The following MAGI2 variants were observed in gnomAD, a reference collection of about 807,000 sequenced individuals.
MAGI2 encodes membrane associated guanylate kinase, WW and PDZ domain containing 2.
MAGI2 carries 35 observed loss-of-function variants against 133.3 expected under a neutral mutation model. The ratio of observed to expected loss-of-function variants is 0.26; its 90% CI spans 0.20 to 0.35. The LOEUF (loss-of-function observed/expected upper bound fraction) is 0.35, where lower values mean the gene tolerates loss of function less well. Among genes scored for constraint, MAGI2 ranks in the 10% least tolerant of loss-of-function variants. MAGI2 has a pLI of 1.00. For synonymous variants in MAGI2, 729 were observed against 710.6 expected (o/e 1.03, Z -0.41); for missense variants, 1,636 against 1,863.4 (o/e 0.88, Z 2.25).
chr7:78,153,699 C>T (rs1824111890), intron 16 of MAGI2, among the ~76,000 whole-genome samples: 1 of 152,110 alleles, frequency 6.6e-6, no homozygotes, highest in African/African-American at 2.4e-5. Flanking sequence ...TGATCTAGGC[C>T]TCAAACTTAC....
intron 21 of MAGI2, among the ~76,000 whole-genome samples, chr7:78,063,355 C>T (rs548480221): frequency 2.6e-5 from 4 of 152,300 alleles, no homozygotes; most frequent in South Asian, 4.1e-4. Flanking sequence ...AATCCTCTTG[C>T]CTCAGTTTCC....
chr7:78,176,722 CCTGTAGTCCCAGCTA>C (rs932738036), intron 14 of MAGI2, among the ~76,000 whole-genome samples: 1 of 151,960 alleles, frequency 6.6e-6, no homozygotes, highest in African/African-American at 2.4e-5. Flanking sequence ...GTGGCACATG[CCTGTAGTCCCAGCTA>C]CTCAGGAGAC....
In MAGI2 at chr7:78,018,991, GC is replaced by G; in HGVS notation, c.*323del. On this transcript the variant is annotated 3_prime_UTR_variant, in exon 22 of 22. Transcript: ENST00000354212. ...TTTGGATGACATCCAAGTCCTTCAT[GC>G]AGTGGGGAGGAATATTTTTTTTTCT... The G allele has an allele frequency of 1.0e-5, 4 of 400,424 alleles. No homozygotes were observed. The East Asian group carries it at 1.4e-4, about 14-fold the overall frequency. 24.8% of individuals were successfully genotyped at this position (400,424 alleles called of 1,614,324 possible).
At chr7:78,581,468 TG>T (rs1354555019) in intron 3 of MAGI2, among the ~76,000 whole-genome samples, 2 of 152,222 alleles carry the variant, frequency 1.3e-5, no homozygotes, top group Non-Finnish European at 2.9e-5. Flanking sequence ...GTTAGAACTT[TG>T]ACTGTAAATC....
intron 2 of MAGI2, among the ~76,000 whole-genome samples, chr7:78,948,329 C>T (rs922596930): frequency 6.6e-6 from 1 of 151,012 alleles, no homozygotes; most frequent in African/African-American, 2.4e-5. Context: ...TCAAAGAAAA[C>T]AAACACAATT....
In MAGI2 at chr7:78,546,692, C is replaced by G. The variant is rs1312121294; in HGVS notation, c.539-25047G>C. Among the ~76,000 whole-genome samples, 4 of 152,112 alleles carry G rather than the reference C, an allele frequency of 2.6e-5. No homozygotes were observed. The South Asian group carries it at 8.3e-4, about 32-fold the overall frequency. On this transcript the variant is annotated intron_variant, in intron 3 of 21. Coordinates refer to ENST00000354212, the MANE Select transcript of MAGI2 (RefSeq NM_012301.4). ...AAGATCCTCATCTCTCTCTCTCTCT[C>G]TCTCTCTCTACCTAGAAGCAGTATA...
At chr7:78,164,718 G>A (rs775823824) in intron 15 of MAGI2, among the ~76,000 whole-genome samples, 8 of 152,210 alleles carry the variant, frequency 5.3e-5, no homozygotes, top group Admixed American at 1.3e-4. Flanking sequence ...TTAGAGAAAA[G>A]ATGCTGATAG....
chr7:79,170,344 T>A (rs932574809), intron 1 of MAGI2, among the ~76,000 whole-genome samples: 43 of 151,596 alleles, frequency 2.8e-4, no homozygotes, highest in African/African-American at 1.0e-3. Flanking sequence ...GGCTAATGTT[T>A]TAAAAAATTT....
At chr7:78,664,355 T>C (rs1206781003) in intron 2 of MAGI2, among the ~76,000 whole-genome samples, 1 of 152,160 alleles carries the variant, frequency 6.6e-6, no homozygotes, top group African/African-American at 2.4e-5. Context: ...GGCTATATAT[T>C]TTACGGAAGT....
intron 9 of MAGI2, among the ~76,000 whole-genome samples, chr7:78,318,791 C>G (rs111886976): frequency 3.3e-5 from 5 of 152,004 alleles, no homozygotes; most frequent in Non-Finnish European, 2.9e-5. Context: ...ACCCTACAAG[C>G]CAGAAGTGAA....
At chr7:78,029,253 A>G (rs1168477421) in intron 21 of MAGI2, among the ~76,000 whole-genome samples, 1 of 152,188 alleles carries the variant, frequency 6.6e-6, no homozygotes, top group Non-Finnish European at 1.5e-5. Flanking sequence ...ATTTTCCAAG[A>G]TTTTAAAAAA....
intron 3 of MAGI2, among the ~76,000 whole-genome samples, chr7:78,599,297 C>T (rs117174833): frequency 0.038 from 5,843 of 151,994 alleles, 143 homozygotes; most frequent in Non-Finnish European, 0.058. Flanking sequence ...ATTTCTGTGC[C>T]TCGTATTAAA....
In MAGI2 at chr7:79,453,048, G is replaced by T; in HGVS notation, c.273C>A (p.Asp91Glu). ...DVLAVIKHCK[D>E]PLRLKCVKQG... Reference sequence around the variant, plus strand: ...GCTTGACACACTTGAGCCGGAGGGGGTCCTTGCAGTGTTTGATCACGGCCA... The same window carrying T: ...GCTTGACACACTTGAGCCGGAGGGGTTCCTTGCAGTGTTTGATCACGGCCA... The change falls in exon 1 of 22, where the codon GAC becomes GAA. Residue 91 changes from aspartate to glutamate, a missense_variant. By Grantham distance (45) the Asp-to-Glu change is conservative. Transcript: ENST00000354212. The T allele has an allele frequency of 6.2e-7, 1 of 1,606,058 alleles. No homozygotes were observed. Among genetic ancestry groups the T allele is most frequent in the Non-Finnish European group, 8.5e-7 (1 of 1,176,124 alleles).
At chr7:78,456,517 T>C (rs956830611) in intron 6 of MAGI2, among the ~76,000 whole-genome samples, 2 of 152,188 alleles carry the variant, frequency 1.3e-5, no homozygotes, top group Non-Finnish European at 2.9e-5. Flanking sequence ...AAATTGACAT[T>C]ACTAAGACCC....
At chr7:79,193,162 T>C (rs1048059452) in intron 1 of MAGI2, among the ~76,000 whole-genome samples, 2 of 151,902 alleles carry the variant, frequency 1.3e-5, no homozygotes, top group Non-Finnish European at 2.9e-5. Flanking sequence ...GACCAGAACT[T>C]GCTTTGAATG....
At chr7:79,074,035 C>T (rs541276483) in intron 1 of MAGI2, among the ~76,000 whole-genome samples, 14 of 152,072 alleles carry the variant, frequency 9.2e-5, no homozygotes, top group Non-Finnish European at 8.8e-5. Flanking sequence ...CTTCATAATA[C>T]CCAGACAGAG....
intron 1 of MAGI2, among the ~76,000 whole-genome samples, chr7:79,432,612 A>G (rs572673703): frequency 6.6e-6 from 1 of 152,276 alleles, no homozygotes; most frequent in Admixed American, 6.5e-5. Flanking sequence ...AAAAACAAGT[A>G]CAAGTTCTCT....
At chr7:78,230,150 C>T (rs1789817526) in intron 10 of MAGI2, among the ~76,000 whole-genome samples, 1 of 152,250 alleles carries the variant, frequency 6.6e-6, no homozygotes. Context: ...CTCATCTCAT[C>T]ATGCCTGATA....
intron 1 of MAGI2, chr7:79,177,245 T>G (rs1311070432): frequency 1.3e-5 from 2 of 151,912 alleles, no homozygotes; most frequent in Admixed American, 1.3e-4. Context: ...TTTCTGTATT[T>G]GCCTTTAAAA....
Sources: allele counts gnomAD v4.1 joint callset (sites outside exome capture counted in the v4.1 genomes callset), GRCh38; gene constraint gnomAD v4.1.1; transcripts MANE v1.5; gene names NCBI Gene and HGNC (gene_info 2026-07-23, HGNC 2026-07-21).